Variants in PDE1A observed in about 807,000 individuals in gnomAD.
PDE1A encodes phosphodiesterase 1A, also known as dual specificity calcium/calmodulin-dependent 3',5'-cyclic nucleotide phosphodiesterase 1A.
In PDE1A, 35 loss-of-function variants were observed where a neutral mutation model predicts 61.7. The ratio of observed to expected loss-of-function variants is 0.57; its 90% CI spans 0.43 to 0.75. PDE1A has a LOEUF of 0.75. Among genes scored for constraint, PDE1A ranks in the 30% least tolerant of loss-of-function variants. The pLI, the probability that PDE1A is intolerant of heterozygous loss-of-function variation, is 0.00. For missense variants in PDE1A, 597 were observed against 630.6 expected, an observed-to-expected ratio of 0.95 and a Z score of 0.57; for synonymous variants, 232 against 213.2, an observed-to-expected ratio of 1.09 and a Z score of -0.77.
chr2:182,464,234 C>T (rs1344575411), intron 2 of PDE1A, among the ~76,000 whole-genome samples: 2 of 152,204 alleles, frequency 1.3e-5, no homozygotes, highest in East Asian at 1.9e-4. Context: ...TTCAATGACA[C>T]GTGTTAAAGC....
Position 182,511,408 on chromosome 2 carries a change from CAGGGTG to C in PDE1A, c.101+10862_101+10867del, listed in dbSNP as rs1157456843. 2.0e-5 allele frequency among the ~76,000 whole-genome samples: 3 copies of C among 152,176 alleles called. No homozygotes were observed. In the East Asian group the frequency reaches 5.9e-4, roughly 30 times the overall value. On this transcript the variant is annotated intron_variant, in intron 2 of 14. Coordinates refer to the PDE1A transcript ENST00000410103. Reference sequence around the variant, plus strand: ...CCTGGACCAGAGGAGCTCCTGGGGCCAGGGTGAGTAAAATAGGTGGGGAGTGGCCCA... The same window carrying C: ...CCTGGACCAGAGGAGCTCCTGGGGCCAGTAAAATAGGTGGGGAGTGGCCCA...
At chr2:182,566,662 A>G in the PDE1A span, among the ~76,000 whole-genome samples, 1 of 152,134 alleles carries the variant, frequency 6.6e-6, no homozygotes, top group Non-Finnish European at 1.5e-5. Context: ...ACGTCCTTAA[A>G]GTTCTCAAGT....
intron 13 of PDE1A, among the ~76,000 whole-genome samples, chr2:182,171,745 T>G (rs1412845373): frequency 6.6e-6 from 1 of 151,186 alleles, no homozygotes; most frequent in African/African-American, 2.4e-5. Context: ...TGGTCACACA[T>G]CAAACTGCTA....
exon 15 of PDE1A, chr2:182,140,338 G>A (rs1476033271): frequency 1.3e-5 from 2 of 152,146 alleles, no homozygotes; most frequent in African/African-American, 4.8e-5. Context: ...AATTCAATCA[G>A]TATTTATTTA....
At chr2:182,245,974 CCTGGCCTCCTGTGCAGCCTGCTAA>C (rs1380770357) in intron 2 of PDE1A, among the ~76,000 whole-genome samples, 6 of 152,338 alleles carry the variant, frequency 3.9e-5, no homozygotes, top group Admixed American at 3.9e-4. Flanking sequence ...TCATCTCTTG[CCTGGCCTCCTGTGCAGCCTGCTAA>C]CTGGCCTCCC....
At chr2:182,517,806 G>A (rs181087776) in intron 2 of PDE1A, among the ~76,000 whole-genome samples, 13 of 152,126 alleles carry the variant, frequency 8.5e-5, no homozygotes, top group East Asian at 5.8e-4. Flanking sequence ...TAGCCTACCC[G>A]GACCCTGCTG....
At chr2:182,605,307 T>C in the PDE1A span, among the ~76,000 whole-genome samples, 1 of 152,108 alleles carries the variant, frequency 6.6e-6, no homozygotes, top group African/African-American at 2.4e-5. Flanking sequence ...AGCTGTTCCC[T>C]CACAGCTAGT....
the PDE1A span, among the ~76,000 whole-genome samples, chr2:182,666,918 G>T: frequency 6.6e-6 from 1 of 152,118 alleles, no homozygotes; most frequent in Non-Finnish European, 1.5e-5. Context: ...ACACAGTCAC[G>T]GTCTAGGTAC....
At chr2:182,347,767 T>C (rs1430697615) in intron 1 of PDE1A, among the ~76,000 whole-genome samples, 1 of 152,036 alleles carries the variant, frequency 6.6e-6, no homozygotes, top group African/African-American at 2.4e-5. Flanking sequence ...TGCAAAGCCA[T>C]AGAAGAGATA....
In PDE1A at chr2:182,344,109, T is replaced by C. The variant is rs187278084; in HGVS notation, c.54-79695A>G. Among the ~76,000 whole-genome samples the C allele has an allele frequency of 2.9e-3, 438 of 152,188 alleles. 5 individuals carry two copies. Among genetic ancestry groups the C allele is most frequent in the African/African-American group, 9.9e-3 (412 of 41,548 alleles). On this transcript the variant is annotated intron_variant, in intron 1 of 13. Coordinates refer to ENST00000351439, the Ensembl canonical transcript of PDE1A. ...TTGGTCTCAAACTCCTGGGTTCAAG[T>C]AATTCTCCTGCCTTGGCCTCCCAAA...
At chr2:182,494,393 C>T (rs1252066686) in intron 2 of PDE1A, among the ~76,000 whole-genome samples, 1 of 151,912 alleles carries the variant, frequency 6.6e-6, no homozygotes, top group East Asian at 1.9e-4. Context: ...TCATACTCTC[C>T]ACACCCAATG....
At chr2:182,230,565 A>C (rs569475443) in intron 5 of PDE1A, among the ~76,000 whole-genome samples, 8 of 152,148 alleles carry the variant, frequency 5.3e-5, no homozygotes, top group Non-Finnish European at 8.8e-5. Flanking sequence ...GAAATGATGA[A>C]AGTAATAAGC....
chr2:182,425,891 A>C (rs1703588708), intron 1 of PDE1A, among the ~76,000 whole-genome samples: 1 of 152,202 alleles, frequency 6.6e-6, no homozygotes, highest in Non-Finnish European at 1.5e-5. Context: ...TTTTTATTTT[A>C]AATTCTAAAG....
At chr2:182,335,873 C>T (rs1397274087) in intron 1 of PDE1A, among the ~76,000 whole-genome samples, 3 of 152,066 alleles carry the variant, frequency 2.0e-5, no homozygotes, top group Non-Finnish European at 4.4e-5. Context: ...ATCCACCTGA[C>T]AATGGGCTAA....
At chr2:182,535,732 G>GA in the PDE1A span, among the ~76,000 whole-genome samples, 1 of 152,102 alleles carries the variant, frequency 6.6e-6, no homozygotes, top group Admixed American at 6.6e-5. Context: ...CAGTTGGAAT[G>GA]AAAAATCACC....
At chr2:182,601,433 G>A in the PDE1A span, among the ~76,000 whole-genome samples, 485 of 152,308 alleles carry the variant, frequency 3.2e-3, 4 homozygotes, top group African/African-American at 0.011. Context: ...GAATGTCTAG[G>A]CTCCCCAAAG....
chr2:182,460,026 T>G (rs1045879561), intron 2 of PDE1A, among the ~76,000 whole-genome samples: 7 of 152,138 alleles, frequency 4.6e-5, no homozygotes, highest in African/African-American at 1.7e-4. Flanking sequence ...CTTTTGTTCT[T>G]CCTTCTTCCT....
chr2:182,701,374 T>C, the PDE1A span, among the ~76,000 whole-genome samples: 1 of 140,070 alleles, frequency 7.1e-6, no homozygotes, highest in Non-Finnish European at 1.5e-5. Context: ...ATCCTAAACG[T>C]TAAGGTTTGC....
At chr2:182,503,893 G>A (rs777463415) in intron 2 of PDE1A, among the ~76,000 whole-genome samples, 7 of 152,100 alleles carry the variant, frequency 4.6e-5, no homozygotes, top group Admixed American at 6.6e-5. Flanking sequence ...CTCTCCATGC[G>A]CCAGTGAATG....
Sources: allele counts gnomAD v4.1 joint callset (sites outside exome capture counted in the v4.1 genomes callset), GRCh38; gene constraint gnomAD v4.1.1; transcripts MANE v1.5; gene names NCBI Gene and HGNC (gene_info 2026-07-23, HGNC 2026-07-21).